The following LAMC2 variants were observed in gnomAD, a reference collection of about 807,000 sequenced individuals.
LAMC2 encodes the protein laminin subunit gamma-2.
LAMC2 carries 97 observed loss-of-function variants against 140.2 expected under a neutral mutation model. That is an observed-to-expected ratio of 0.69 (90% CI 0.59 to 0.82). The LOEUF is 0.82. Among genes scored for constraint, LAMC2 ranks in the 40% least tolerant of loss-of-function variants. The probability of loss-of-function intolerance (pLI) is 0.00; values close to 1 mark genes in which losing one functional copy is unlikely to be tolerated. For synonymous variants in LAMC2, 513 were observed against 540.2 expected, an observed-to-expected ratio of 0.95 and a Z score of 0.70; for missense variants, 1,402 against 1,476.1, an observed-to-expected ratio of 0.95 and a Z score of 0.82.
rs751409039 is a variant in LAMC2 at position 183,234,349 on chromosome 1, A to G, written c.2221-18A>G. On this transcript the variant is annotated intron_variant, in intron 14 of 22. Transcript: ENST00000264144. The stretch of plus-strand genomic sequence containing the variant: ...AGCCTTAACCGATTCGCCTTAACCG[A>G]TTCTCCTTTTCCCACAGAACATTCC... 9.3e-6 allele frequency: 15 copies of G among 1,607,794 alleles called. No individual in the cohort carries two copies. The East Asian group carries it at 2.9e-4, about 31-fold the overall frequency.
At chr1:183,197,607 C>T (rs1441000500) in intron 1 of LAMC2, among the ~76,000 whole-genome samples, 1 of 150,582 alleles carries the variant, frequency 6.6e-6, no homozygotes, top group Admixed American at 6.6e-5. Context: ...ACCTGGGAGG[C>T]GGAGCTTGCT....
intron 1 of LAMC2, among the ~76,000 whole-genome samples, chr1:183,195,323 C>CT (rs1658481037): frequency 6.6e-6 from 1 of 152,122 alleles, no homozygotes; most frequent in Admixed American, 6.5e-5. Flanking sequence ...ACTATGAACT[C>CT]TCGGTGAAAC....
chr1:183,196,732 A>C (rs1043853612), intron 1 of LAMC2, among the ~76,000 whole-genome samples: 1 of 150,304 alleles, frequency 6.7e-6, no homozygotes, highest in African/African-American at 2.4e-5. Flanking sequence ...AAGGTATATT[A>C]AGATTTAGTT....
intron 2 of LAMC2, among the ~76,000 whole-genome samples, chr1:183,213,308 T>C (rs1254312203): frequency 2.0e-5 from 3 of 152,256 alleles, no homozygotes; most frequent in Admixed American, 6.5e-5. Flanking sequence ...AGACTCAAAC[T>C]GTAAATGTGA....
At chr1:183,214,914 A>G (rs1659204027) in intron 2 of LAMC2, among the ~76,000 whole-genome samples, 1 of 152,184 alleles carries the variant, frequency 6.6e-6, no homozygotes, top group Admixed American at 6.5e-5. Context: ...TAAGTAAGGC[A>G]CACAGGGTAC....
intron 22 of LAMC2, among the ~76,000 whole-genome samples, chr1:183,242,208 C>A (rs1023068032): frequency 3.9e-5 from 6 of 152,216 alleles, no homozygotes; most frequent in African/African-American, 1.4e-4. Flanking sequence ...GCTTACTTAA[C>A]TTCCTCTGCA....
At position 183,228,399 on chromosome 1, in the gene LAMC2, T is replaced by C. The variant is rs758011733; in HGVS notation, c.1494T>C (p.Asp498=). 3.7e-6 allele frequency: 6 copies of C among 1,614,046 alleles called. No homozygotes were observed. The highest frequency in any genetic ancestry group is 5.1e-6 in the Non-Finnish European group (6 of 1,180,038). The part of the protein sequence containing the change: ...VTGARCELCA[D]GYFGDPFGEH... ...GTGCCCGCTGTGAGCTCTGTGCTGA[T>C]GGCTACTTTGGGGACCCCTTTGGTG... The change falls in exon 11 of 23, where the codon GAT becomes GAC. Residue 498 remains aspartate (D), a synonymous_variant. Coordinates refer to ENST00000264144, the MANE Select transcript of LAMC2 (RefSeq NM_005562.3). This position sits in a 1 kb window ranked among gnomAD's most constrained non-coding sequence, Gnocchi z 4.3.
intron 1 of LAMC2, among the ~76,000 whole-genome samples, chr1:183,196,808 T>A (rs901806525): frequency 1.3e-5 from 2 of 152,216 alleles, no homozygotes; most frequent in Non-Finnish European, 2.9e-5. Context: ...CCAATTTGTG[T>A]CTGCCCACCA....
intron 22 of LAMC2, 152 bp downstream of exon 22, chr1:183,240,543 G>A (rs1012656067): frequency 1.8e-5 from 26 of 1,453,768 alleles, no homozygotes; most frequent in East Asian, 9.9e-5. Flanking sequence ...GATAACTTTC[G>A]GCAGGTTCCC....
intron 10 of LAMC2, 97 bp downstream of exon 10, chr1:183,227,794 A>T: frequency 8.5e-7 from 1 of 1,178,230 alleles, no homozygotes; most frequent in Middle Eastern, 2.4e-4. Context: ...CTAGGAAATT[A>T]TAATGACTTC....
chr1:183,209,912 T>C (rs1270131774), intron 2 of LAMC2, among the ~76,000 whole-genome samples: 2 of 152,056 alleles, frequency 1.3e-5, no homozygotes, highest in Non-Finnish European at 2.9e-5. Context: ...TTTATTTGGG[T>C]AATAGATATC....
chr1:183,221,057 T>C, intron 5 of LAMC2, 96 bp downstream of exon 5: 1 of 1,177,796 alleles, frequency 8.5e-7, no homozygotes, highest in East Asian at 2.4e-5. Context: ...ATGGATTCTC[T>C]TTAGAAATTC....
At chr1:183,219,080 A>G (rs1659381514) in intron 4 of LAMC2, among the ~76,000 whole-genome samples, 1 of 152,218 alleles carries the variant, frequency 6.6e-6, no homozygotes, top group South Asian at 2.1e-4. Flanking sequence ...CTGCCGGTGC[A>G]GGACGTGCCT....
Position 183,244,563 on chromosome 1 carries a change from C to G in LAMC2, c.*1163C>G, listed in dbSNP as rs1660203434. 6.6e-6 allele frequency: 1 copy of G among 152,664 alleles called. No individual in the cohort carries two copies. 9.5% of individuals were successfully genotyped at this position (152,664 alleles called of 1,614,324 possible). ...TAAAAAATAAATTTAAACTTACAAA[C>G]TTTGTTTGTCACAAGTGGTGTTTAT... is the stretch of plus-strand genomic sequence containing the variant. On this transcript the variant is annotated 3_prime_UTR_variant, in exon 23 of 23. Transcript: ENST00000264144.
At chr1:183,195,953 A>G (rs1036760718) in intron 1 of LAMC2, among the ~76,000 whole-genome samples, 1 of 152,204 alleles carries the variant, frequency 6.6e-6, no homozygotes, top group African/African-American at 2.4e-5. Flanking sequence ...TAAATATAAT[A>G]TAATAAAAAC....
intron 15 of LAMC2, 81 bp from the exon 16 acceptor site, chr1:183,235,494 C>G: frequency 6.6e-7 from 1 of 1,505,896 alleles, no homozygotes; most frequent in Non-Finnish European, 9.2e-7. Context: ...CTCCCGTACT[C>G]TTTGCCCTTC....
At chr1:183,215,307 C>G in intron 2 of LAMC2, 146 bp from the exon 3 acceptor site, 1 of 845,186 alleles carries the variant, frequency 1.2e-6, no homozygotes, top group South Asian at 1.4e-5. Context: ...GACACGCAGG[C>G]GATGTGAAGT....
At chr1:183,241,669 G>C (rs1043310029) in intron 22 of LAMC2, among the ~76,000 whole-genome samples, 7 of 151,986 alleles carry the variant, frequency 4.6e-5, no homozygotes, top group South Asian at 2.1e-4. Context: ...TTTTCTGTAG[G>C]GTGTCATCAT....
intron 19 of LAMC2, among the ~76,000 whole-genome samples, chr1:183,238,777 CT>C (rs1414131256): frequency 6.6e-6 from 1 of 152,180 alleles, no homozygotes; most frequent in African/African-American, 2.4e-5. Context: ...CAACATACCA[CT>C]ACTGTACAGA....
Sources: allele counts gnomAD v4.1 joint callset (sites outside exome capture counted in the v4.1 genomes callset), GRCh38; gene constraint gnomAD v4.1.1; non-coding constraint Gnocchi (gnomAD v3.1); transcripts MANE v1.5; gene names NCBI Gene and HGNC (gene_info 2026-07-23, HGNC 2026-07-21).